IGF2BP2: variants seen among roughly 807,000 people sequenced by gnomAD.
The protein encoded by IGF2BP2 is insulin-like growth factor 2 mRNA-binding protein 2.
A neutral mutation model predicts 75.8 loss-of-function variants in IGF2BP2; 17 were observed. That is an observed-to-expected ratio of 0.22 (90% CI 0.15 to 0.34). IGF2BP2 has a LOEUF of 0.34. IGF2BP2 is among the 10% of genes least tolerant of loss of function. The pLI is 1.00. For missense variants in IGF2BP2, 516 were observed against 772.4 expected, an observed-to-expected ratio of 0.67 and a Z score of 3.93; for synonymous variants, 288 against 295.6, an observed-to-expected ratio of 0.97 and a Z score of 0.26.
At chr3:185,660,302 T>C (rs773004822) in intron 10 of IGF2BP2, among the ~76,000 whole-genome samples, 4 of 152,190 alleles carry the variant, frequency 2.6e-5, no homozygotes, top group African/African-American at 9.6e-5. Flanking sequence ...TGGCTGAGGT[T>C]TGGAGTCTGG....
chr3:185,695,932 C>A (rs191956013), intron 4 of IGF2BP2, among the ~76,000 whole-genome samples: 11 of 152,268 alleles, frequency 7.2e-5, no homozygotes, highest in African/African-American at 2.4e-4. Context: ...GGATTACAGG[C>A]ATGCGTCACC....
chr3:185,785,739 G>C (rs1735800378), intron 2 of IGF2BP2, among the ~76,000 whole-genome samples: 2 of 152,126 alleles, frequency 1.3e-5, no homozygotes. Context: ...CTTGAACCCA[G>C]AAGTTTGAGA....
chr3:185,818,616 G>A (rs1322756585), intron 2 of IGF2BP2, among the ~76,000 whole-genome samples: 1 of 152,146 alleles, frequency 6.6e-6, no homozygotes. Flanking sequence ...GAAACAGAGA[G>A]AGGAAACATT....
chr3:185,659,531 C>T (rs758374036), intron 10 of IGF2BP2, among the ~76,000 whole-genome samples: 33 of 150,876 alleles, frequency 2.2e-4, no homozygotes, highest in Non-Finnish European at 4.1e-4. Flanking sequence ...CCCCCCACCA[C>T]GCCTGGTTAA....
intron 2 of IGF2BP2, among the ~76,000 whole-genome samples, chr3:185,731,648 T>C (rs1310873996): frequency 6.6e-6 from 1 of 152,170 alleles, no homozygotes; most frequent in Non-Finnish European, 1.5e-5. Context: ...CAATTTCTTA[T>C]CGGTCTTTAA....
At chr3:185,713,479 A>G (rs1211921394) in intron 2 of IGF2BP2, 1 of 519,992 alleles carries the variant, frequency 1.9e-6, no homozygotes, top group Non-Finnish European at 3.8e-6. Flanking sequence ...TCCAATGGTC[A>G]AGGTAACAGG....
chr3:185,752,939 G>A (rs953289222), intron 2 of IGF2BP2, among the ~76,000 whole-genome samples: 1 of 152,160 alleles, frequency 6.6e-6, no homozygotes, highest in Non-Finnish European at 1.5e-5. Flanking sequence ...GGAGAAGTAA[G>A]ACATACAAAT....
chr3:185,707,427 G>A lies in IGF2BP2; in HGVS notation c.240-9080C>T, dbSNP rs200326513. 1.2e-4 allele frequency among the ~76,000 whole-genome samples: 17 copies of A among 143,702 alleles called. No individual in the cohort carries two copies. In the East Asian group the frequency reaches 3.8e-3, roughly 32 times the overall value. The allele number at this position is 143,702 out of a possible 152,430, so 94.3% of individuals were successfully genotyped here. ...AGGTTCAAGCTATTTTCCTGCCTCAGCCTCCTGAGTAGCTGGGACTACAGG... is the reference window on the plus strand; with the variant it reads ...AGGTTCAAGCTATTTTCCTGCCTCAACCTCCTGAGTAGCTGGGACTACAGG... On this transcript the variant is annotated intron_variant, in intron 2 of 15. Coordinates refer to ENST00000382199, the MANE Select transcript of IGF2BP2 (RefSeq NM_006548.6).
intron 10 of IGF2BP2, among the ~76,000 whole-genome samples, chr3:185,663,386 T>A (rs1217392615): frequency 6.6e-6 from 1 of 152,246 alleles, no homozygotes; most frequent in Admixed American, 6.5e-5. Flanking sequence ...GTAATTGTTA[T>A]CCACAGGCTT....
At chr3:185,669,177 C>CT (rs1190737033) in intron 10 of IGF2BP2, among the ~76,000 whole-genome samples, 7 of 151,990 alleles carry the variant, frequency 4.6e-5, no homozygotes, top group Non-Finnish European at 8.8e-5. Context: ...AGTAATATAC[C>CT]TTTTTTTGTA....
chr3:185,759,103 G>A (rs963453777), intron 2 of IGF2BP2, among the ~76,000 whole-genome samples: 1 of 152,206 alleles, frequency 6.6e-6, no homozygotes, highest in Admixed American at 6.5e-5. Context: ...ATGAGTTTCA[G>A]TTACAATGGA....
At chr3:185,805,797 G>A (rs1457926231) in intron 2 of IGF2BP2, among the ~76,000 whole-genome samples, 1 of 147,164 alleles carries the variant, frequency 6.8e-6, no homozygotes, top group African/African-American at 2.5e-5. Flanking sequence ...TTGAGACGGA[G>A]CTTCACTCTT....
intron 2 of IGF2BP2, among the ~76,000 whole-genome samples, chr3:185,816,475 T>TA (rs1163467023): frequency 1.3e-5 from 2 of 152,218 alleles, no homozygotes; most frequent in Non-Finnish European, 2.9e-5. Flanking sequence ...TATTTTCATA[T>TA]ATTTCTACCA....
intron 2 of IGF2BP2, among the ~76,000 whole-genome samples, chr3:185,740,240 GTT>G (rs1237478485): frequency 6.6e-6 from 1 of 152,062 alleles, no homozygotes; most frequent in Non-Finnish European, 1.5e-5. Flanking sequence ...AAAAATAAAT[GTT>G]TGTTTGCATA....
chr3:185,683,624 A>G (rs1308805726), intron 7 of IGF2BP2, among the ~76,000 whole-genome samples: 1 of 152,024 alleles, frequency 6.6e-6, no homozygotes, highest in Non-Finnish European at 1.5e-5. Flanking sequence ...GGCCAGGCCA[A>G]TCTCAAACTC....
rs567785581 is a variant in IGF2BP2 at position 185,675,197 on chromosome 3, A to T, written c.1071+99T>A. On this transcript the variant is annotated intron_variant, in intron 9 of 15. Coordinates refer to ENST00000382199, the MANE Select transcript of IGF2BP2 (RefSeq NM_006548.6). ...GCTTTTATCCTAGGAAGTCAGGAAA[A>T]ACTCTGCATACCTATCCTAAGGCAC... is the stretch of plus-strand genomic sequence containing the variant. 4.9e-6 allele frequency: 6 copies of T among 1,232,868 alleles called. No homozygotes were observed. In the South Asian group the frequency reaches 9.3e-5, roughly 19 times the overall value. The allele number at this position is 1,232,868 out of a possible 1,614,324, so 76.4% of individuals were successfully genotyped here.
In IGF2BP2 at chr3:185,821,105, G is replaced by T. The variant is rs1007738594; in HGVS notation, c.239+2048C>A. On this transcript the variant is annotated intron_variant, in intron 2 of 15. Transcript: ENST00000382199. Reference sequence around the variant, plus strand: ...AAGTCTGATCTCAGTACACAATACCGGTCATTAGCTATCTCTCCCTTAGCC... The same window carrying T: ...AAGTCTGATCTCAGTACACAATACCTGTCATTAGCTATCTCTCCCTTAGCC... 3.3e-6 allele frequency: 5 copies of T among 1,527,024 alleles called. No homozygotes were observed. The Admixed American group carries it at 1.0e-4, about 31-fold the overall frequency. The allele number at this position is 1,527,024 out of a possible 1,614,324, so 94.6% of individuals were successfully genotyped here.
intron 2 of IGF2BP2, among the ~76,000 whole-genome samples, chr3:185,795,294 G>C (rs1271612812): frequency 6.6e-6 from 1 of 152,128 alleles, no homozygotes; most frequent in Non-Finnish European, 1.5e-5. Context: ...GTGGTAACAT[G>C]TGTCAAAATT....
At chr3:185,669,019 G>C (rs1294731387) in intron 10 of IGF2BP2, among the ~76,000 whole-genome samples, 1 of 152,146 alleles carries the variant, frequency 6.6e-6, no homozygotes, top group South Asian at 2.1e-4. Context: ...CAACTTATCA[G>C]AGAGAACAAA....
Sources: gnomAD v4.1 joint callset for allele counts (sites outside exome capture counted in the v4.1 genomes callset) on GRCh38, gnomAD v4.1.1 for gene constraint, MANE v1.5 for transcripts, NCBI Gene and HGNC (gene_info 2026-07-23, HGNC 2026-07-21) for gene names.